Variants in TLK1 observed in about 807,000 individuals in gnomAD.
The protein encoded by TLK1 is serine/threonine-protein kinase tousled-like 1.
Under a neutral mutation model 105.3 loss-of-function variants are expected in TLK1, and 24 were observed. The observed-to-expected ratio is 0.23, with a 90% CI of 0.17 to 0.32. TLK1 has a LOEUF of 0.32. TLK1 is among the 10% of genes least tolerant of loss of function. The probability of loss-of-function intolerance (pLI) is 1.00; values close to 1 mark genes in which losing one functional copy is unlikely to be tolerated. For synonymous variants in TLK1, 321 were observed against 310.4 expected, an observed-to-expected ratio of 1.03 and a Z score of -0.36; for missense variants, 558 against 910.5, an observed-to-expected ratio of 0.61 and a Z score of 4.98.
Position 171,094,330 on chromosome 2 carries a change from T to C in TLK1, c.259-11478A>G, listed in dbSNP as rs990731946. On this transcript the variant is annotated intron_variant, in intron 2 of 20. Transcript: ENST00000431350. Reference sequence around the variant, plus strand: ...TAAAATCATGAGTTAAAACAACAGATACAAAGGACATATCTAGGGGATCTA... The same window carrying C: ...TAAAATCATGAGTTAAAACAACAGACACAAAGGACATATCTAGGGGATCTA... 2.6e-5 allele frequency among the ~76,000 whole-genome samples: 4 copies of C among 151,712 alleles called. No homozygotes were observed. In the South Asian group the frequency reaches 8.3e-4, roughly 32 times the overall value.
At chr2:171,214,774 T>G (rs576403635) in intron 1 of TLK1, among the ~76,000 whole-genome samples, 2 of 152,228 alleles carry the variant, frequency 1.3e-5, no homozygotes, top group Non-Finnish European at 2.9e-5. Flanking sequence ...GCTGCACTTT[T>G]ATTATTTCTA....
chr2:171,099,617 A>G (rs1030058421), intron 2 of TLK1, among the ~76,000 whole-genome samples: 2 of 152,346 alleles, frequency 1.3e-5, no homozygotes, highest in East Asian at 3.9e-4. Flanking sequence ...CTACAAAGCT[A>G]TATTAACCAA....
chr2:171,002,473 A>G (rs1464566052), intron 18 of TLK1, among the ~76,000 whole-genome samples: 1 of 151,488 alleles, frequency 6.6e-6, no homozygotes, highest in African/African-American at 2.4e-5. Flanking sequence ...ACGGGGTTTC[A>G]CCGTGTTAGC....
chr2:171,053,825 G>C lies in TLK1; in HGVS notation c.668C>G (p.Ala223Gly). The C allele has an allele frequency of 6.2e-7, 1 of 1,608,654 alleles. No individual in the cohort carries two copies. Among genetic ancestry groups the C allele is most frequent in the South Asian group, 1.1e-5 (1 of 90,346 alleles). Residue 223 changes from alanine (A) to glycine (G), a missense_variant, in exon 8 of 21, where the codon GCA (alanine) becomes GGA (glycine). Ala to Gly is a moderately conservative substitution (Grantham distance 60). This residue lies in a region of TLK1 where 196 missense variants were observed against 239.3 expected (regional missense o/e 0.82). Coordinates refer to ENST00000431350, the MANE Select transcript of TLK1 (RefSeq NM_012290.5). ...QTDLTMLKLAALESNKIQDLE... is the reference protein window; with the variant it reads ...QTDLTMLKLAGLESNKIQDLE... ...GTCCTGGATTTTATTACTTTCTAAT[G>C]CTGCTAATTTCAGCATTGTGAGATC...
intron 11 of TLK1, among the ~76,000 whole-genome samples, chr2:171,038,873 G>A (rs780159537): frequency 6.6e-6 from 1 of 152,096 alleles, no homozygotes; most frequent in Non-Finnish European, 1.5e-5. Context: ...TGCACTGTGT[G>A]TTTTGTTTTG....
rs370376795 is a variant in TLK1, at chr2:171,009,853, C to T, written c.1416+1520G>A. 5.3e-5 allele frequency among the ~76,000 whole-genome samples: 8 copies of T among 152,208 alleles called. No homozygotes were observed. The South Asian group carries it at 1.5e-3, about 28-fold the overall frequency. ...AAGCTTTTAACCAACTATGCCAGTA[C>T]GTAATGAAGCACAAAGGAGCTTATA... On this transcript the variant is annotated intron_variant, in intron 14 of 20. Coordinates refer to ENST00000431350, the MANE Select transcript of TLK1 (RefSeq NM_012290.5).
At chr2:171,187,683 T>C (rs1425015451) in intron 1 of TLK1, among the ~76,000 whole-genome samples, 1 of 152,216 alleles carries the variant, frequency 6.6e-6, no homozygotes, top group East Asian at 1.9e-4. Flanking sequence ...CACCATTCCC[T>C]AGATCCATTA....
intron 12 of TLK1, among the ~76,000 whole-genome samples, chr2:171,019,292 T>G (rs527672337): frequency 6.6e-6 from 1 of 152,328 alleles, no homozygotes; most frequent in Non-Finnish European, 1.5e-5. Context: ...CAATGTAGAA[T>G]TTCTGTAAAA....
At chr2:171,194,686 G>A (rs944812884) in intron 1 of TLK1, among the ~76,000 whole-genome samples, 8 of 149,446 alleles carry the variant, frequency 5.4e-5, no homozygotes, top group East Asian at 1.9e-4. Context: ...GCGTGGTAGC[G>A]GGCGCCTGTA....
chr2:171,005,575 A>C (rs1684613577), intron 18 of TLK1, among the ~76,000 whole-genome samples: 1 of 152,142 alleles, frequency 6.6e-6, no homozygotes, highest in Non-Finnish European at 1.5e-5. Flanking sequence ...TGGTCTCTAC[A>C]AAAAGTTTAG....
intron 6 of TLK1, 57 bp from the exon 7 acceptor site, chr2:171,055,229 C>G: frequency 2.5e-6 from 2 of 787,980 alleles, no homozygotes; most frequent in Non-Finnish European, 3.5e-6. Flanking sequence ...AAACACAAAA[C>G]AAAACAGATT....
chr2:171,048,357 T>C (rs1687060615), intron 10 of TLK1, among the ~76,000 whole-genome samples: 1 of 152,252 alleles, frequency 6.6e-6, no homozygotes. Flanking sequence ...GCAGGACAAT[T>C]GCCGGTCTGG....
At chr2:171,077,961 C>G (rs1688587942) in intron 3 of TLK1, among the ~76,000 whole-genome samples, 1 of 152,112 alleles carries the variant, frequency 6.6e-6, no homozygotes. Context: ...GCAGGGGACC[C>G]CTAGAAATCC....
chr2:171,191,752 T>G (rs1388260677), intron 1 of TLK1, among the ~76,000 whole-genome samples: 1 of 152,126 alleles, frequency 6.6e-6, no homozygotes, highest in Non-Finnish European at 1.5e-5. Flanking sequence ...TGACCTATAT[T>G]AGCAGTCTTT....
intron 8 of TLK1, among the ~76,000 whole-genome samples, chr2:171,052,974 G>A (rs1411529368): frequency 6.6e-6 from 1 of 152,216 alleles, no homozygotes; most frequent in Non-Finnish European, 1.5e-5. Context: ...TCAGGGTAGA[G>A]TTTCAGGCAT....
intron 3 of TLK1, among the ~76,000 whole-genome samples, chr2:171,071,919 T>C (rs748973839): frequency 6.6e-5 from 10 of 152,206 alleles, no homozygotes; most frequent in African/African-American, 2.4e-4. Context: ...CTGGATTCTC[T>C]GTTCTGTTCC....
intron 6 of TLK1, 86 bp downstream of exon 6, chr2:171,056,385 C>T: frequency 9.6e-7 from 1 of 1,037,390 alleles, no homozygotes; most frequent in Non-Finnish European, 1.4e-6. Context: ...TAGAAGTTCT[C>T]AATAAAAAAC....
intron 1 of TLK1, among the ~76,000 whole-genome samples, chr2:171,167,190 T>A (rs879030334): frequency 6.6e-6 from 1 of 152,212 alleles, no homozygotes; most frequent in Admixed American, 6.5e-5. Context: ...TTATTCTTTC[T>A]CTTTAAACTA....
intron 2 of TLK1, among the ~76,000 whole-genome samples, chr2:171,110,505 GT>G (rs1284947892): frequency 3.3e-5 from 5 of 152,084 alleles, no homozygotes; most frequent in Non-Finnish European, 7.4e-5. Context: ...AAAAGAAGTG[GT>G]TATCTTCATA....
Sources: gnomAD v4.1 joint callset for allele counts (sites outside exome capture counted in the v4.1 genomes callset) on GRCh38, gnomAD v4.1.1 for gene constraint, gnomAD v4.1.1 regional missense constraint, MANE v1.5 for transcripts, NCBI Gene and HGNC (gene_info 2026-07-23, HGNC 2026-07-21) for gene names.